The following HNRNPLL variants were observed in gnomAD, a reference collection of about 807,000 sequenced individuals.
HNRNPLL encodes heterogeneous nuclear ribonucleoprotein L-like.
A neutral mutation model predicts 67.1 loss-of-function variants in HNRNPLL; 25 were observed. That is an observed-to-expected ratio of 0.37 (90% CI 0.27 to 0.52). The LOEUF (loss-of-function observed/expected upper bound fraction) is 0.52, where lower values mean the gene tolerates loss of function less well. Among genes scored for constraint, HNRNPLL ranks in the 20% least tolerant of loss-of-function variants. The pLI is 0.90. For missense variants in HNRNPLL, 542 were observed against 673.9 expected, an observed-to-expected ratio of 0.80 and a Z score of 2.17; for synonymous variants, 267 against 241.7, an observed-to-expected ratio of 1.10 and a Z score of -0.97.
Position 38,602,758 on chromosome 2 carries a change from G to A in HNRNPLL, c.-132C>T, listed in dbSNP as rs1572474496. ...GGGTCTCCGCGGCCCGGCCGTCCGC[G>A]GGGACTGCGCGGCCAGGAGACTGGC... is the stretch of plus-strand genomic sequence containing the variant. On this transcript the variant is annotated 5_prime_UTR_variant, in exon 1 of 13. Transcript: ENST00000449105. 1 of 1,514,112 alleles carries A rather than the reference G, an allele frequency of 6.6e-7. No individual in the cohort carries two copies. The highest frequency in any genetic ancestry group is 8.8e-7 in the Non-Finnish European group (1 of 1,130,456). 93.8% of individuals were successfully genotyped at this position (1,514,112 alleles called of 1,614,324 possible).
At chr2:38,575,789 G>A (rs1193269050) in intron 7 of HNRNPLL, among the ~76,000 whole-genome samples, 3 of 151,726 alleles carry the variant, frequency 2.0e-5, no homozygotes, top group Non-Finnish European at 4.4e-5. Flanking sequence ...TTTGTGATTT[G>A]CAATATTTGT....
chr2:38,568,294 G>A lies in HNRNPLL; in HGVS notation c.1478C>T (p.Ser493Leu), dbSNP rs771506090. The A allele has an allele frequency of 6.2e-7, 1 of 1,612,214 alleles. No homozygotes were observed. The highest frequency in any genetic ancestry group is 1.7e-5 in the Admixed American group (1 of 59,962). The change falls in exon 12 of 13, where the codon TCA becomes TTA. Residue 493 changes from serine to leucine, a missense_variant. Ser to Leu is a moderately radical substitution (Grantham distance 145). Transcript: ENST00000449105. ...TAATAGCCCAGAAAGTGTTTTGGCT[G>A]AAGCTAAAACAAAAAAACACAAACT... ...IKYKVFDAKP[S>L]AKTLSGLLEW...
intron 3 of HNRNPLL, among the ~76,000 whole-genome samples, chr2:38,584,376 T>C (rs1666645858): frequency 6.6e-6 from 1 of 152,180 alleles, no homozygotes; most frequent in Non-Finnish European, 1.5e-5. Context: ...TATTATACTT[T>C]AATAAATCTT....
chr2:38,594,265 C>T (rs1223422645), intron 1 of HNRNPLL, among the ~76,000 whole-genome samples: 1 of 152,030 alleles, frequency 6.6e-6, no homozygotes, highest in Non-Finnish European at 1.5e-5. Flanking sequence ...CTATCAAACA[C>T]ATATTAGGGA....
At chr2:38,565,977 T>C (rs1327273326) in intron 12 of HNRNPLL, 4 of 922,710 alleles carry the variant, frequency 4.3e-6, no homozygotes, top group East Asian at 2.4e-4. Flanking sequence ...TGTTTTTTTT[T>C]CTCTTTTTTA....
Position 38,568,188 on chromosome 2 carries a change from A to T in HNRNPLL, c.1573+11T>A. ...TACATAATTACAACACAAATAAAGC[A>T]TTTTACTTACTCGGCACTCTTATCT... On this transcript the variant is annotated intron_variant, in intron 12 of 12. Transcript: ENST00000449105. 1 of 1,560,064 alleles carries T rather than the reference A, an allele frequency of 6.4e-7. No homozygotes were observed. The highest frequency in any genetic ancestry group is 8.8e-7 in the Non-Finnish European group (1 of 1,134,962).
intron 8 of HNRNPLL, 100 bp downstream of exon 8, chr2:38,573,110 T>G: frequency 1.3e-6 from 1 of 753,056 alleles, no homozygotes; most frequent in South Asian, 1.7e-5. Context: ...CTCAAAGAAT[T>G]TGGATATTCC....
At chr2:38,587,963 T>G (rs527575058) in intron 2 of HNRNPLL, among the ~76,000 whole-genome samples, 3 of 152,088 alleles carry the variant, frequency 2.0e-5, no homozygotes, top group South Asian at 2.1e-4. Context: ...GTGTGCGCGC[T>G]CTCTCTCCTC....
In HNRNPLL at chr2:38,573,239, G is replaced by A. The variant is rs1383110866; in HGVS notation, c.1063C>T (p.Leu355=). The change falls in exon 8 of 13, where the codon CTG becomes TTG. Residue 355 remains leucine (L), a synonymous_variant. Coordinates refer to ENST00000449105, the MANE Select transcript of HNRNPLL (RefSeq NM_138394.4). ...TCAATATTTCCATATAAGCAGAACA[G>A]GTTGAAGACTCTTGAACAATTCATT... is the stretch of plus-strand genomic sequence containing the variant. ...LKMNCSRVFN[L]FCLYGNIEKV... 2 of 1,604,976 alleles carry A rather than the reference G, an allele frequency of 1.2e-6. No individual in the cohort carries two copies. Among genetic ancestry groups the A allele is most frequent in the Admixed American group, 3.5e-5 (2 of 57,364 alleles).
rs866020503 is a variant in HNRNPLL at position 38,602,538 on chromosome 2, C to T, written c.89G>A (p.Gly30Glu). The T allele has an allele frequency of 1.0e-5, 16 of 1,559,722 alleles. No individual in the cohort carries two copies. Among genetic ancestry groups the T allele is most frequent in the East Asian group, 2.4e-5 (1 of 42,294 alleles). The change falls in exon 1 of 13, where the codon GGG becomes GAG. Residue 30 changes from glycine (G) to glutamate (E), a missense_variant. Physicochemically the swap from Gly to Glu is moderately conservative, Grantham distance 98. Around this residue, in one of 2 missense-constraint regions of HNRNPLL, gnomAD observed 127 missense variants for 98.7 expected, o/e 1.29. Transcript: ENST00000449105. The part of the protein sequence containing the change: ...SQAKRLKTEE[G>E]EIDYSAEEGE... ...TTCCTCGGCCGAGTAGTCGATCTCCCCCTCCTCGGTCTTGAGACGCTTGGC... is the reference window on the plus strand; with the variant it reads ...TTCCTCGGCCGAGTAGTCGATCTCCTCCTCCTCGGTCTTGAGACGCTTGGC...
At chr2:38,583,044 G>C (rs1479318505) in intron 4 of HNRNPLL, among the ~76,000 whole-genome samples, 1 of 151,984 alleles carries the variant, frequency 6.6e-6, no homozygotes, top group Non-Finnish European at 1.5e-5. Flanking sequence ...AAACAGAAAA[G>C]ATTTTACTCT....
At chr2:38,564,295 G>T (rs1041702782) in intron 12 of HNRNPLL, 58 bp from the exon 13 acceptor site, 2 of 900,910 alleles carry the variant, frequency 2.2e-6, no homozygotes, top group Admixed American at 1.8e-5. Flanking sequence ...AGATCACCTT[G>T]AAGTATCAGA....
intron 1 of HNRNPLL, chr2:38,601,847 G>T (rs1055710493): frequency 6.6e-6 from 1 of 152,190 alleles, no homozygotes; most frequent in Non-Finnish European, 1.5e-5. Context: ...CACAAAATTG[G>T]GTAGAGCAAA....
intron 1 of HNRNPLL, among the ~76,000 whole-genome samples, chr2:38,592,787 C>A (rs1667014816): frequency 1.3e-5 from 2 of 152,190 alleles, no homozygotes; most frequent in African/African-American, 4.8e-5. Flanking sequence ...TGACTTCCAC[C>A]GTGTACATCC....
At chr2:38,596,464 G>C (rs1667197276) in intron 1 of HNRNPLL, among the ~76,000 whole-genome samples, 1 of 151,986 alleles carries the variant, frequency 6.6e-6, no homozygotes, top group Non-Finnish European at 1.5e-5. Flanking sequence ...CACCATTTTT[G>C]CCAGGCTGGT....
intron 9 of HNRNPLL, 66 bp from the exon 10 acceptor site, chr2:38,569,400 G>C (rs1254948732): frequency 3.6e-6 from 4 of 1,124,350 alleles, no homozygotes; most frequent in South Asian, 2.6e-5. Flanking sequence ...AGTAGTCTCA[G>C]AATGCTAATA....
rs1399578447 is a variant in HNRNPLL, at chr2:38,599,284, A to G, written c.189+3154T>C. ...TTAATAATCTTTGATTTGCCTGTTT[A>G]TTCACTAGCAGAAAACAGAAAAACT... On this transcript the variant is annotated intron_variant, in intron 1 of 12. Transcript: ENST00000449105. Among the ~76,000 whole-genome samples, 3 of 152,210 alleles carry G rather than the reference A, an allele frequency of 2.0e-5. No individual in the cohort carries two copies. In the East Asian group the frequency reaches 5.8e-4, roughly 29 times the overall value.
chr2:38,575,156 TTTATAA>T (rs1041481013), intron 7 of HNRNPLL, among the ~76,000 whole-genome samples: 7 of 151,860 alleles, frequency 4.6e-5, no homozygotes, highest in Non-Finnish European at 7.4e-5. Flanking sequence ...ATAACTGATG[TTTATAA>T]TTATGACTTT....
intron 8 of HNRNPLL, among the ~76,000 whole-genome samples, chr2:38,572,912 G>A (rs1403087236): frequency 6.6e-6 from 1 of 152,010 alleles, no homozygotes; most frequent in Non-Finnish European, 1.5e-5. Flanking sequence ...ACTTTGAAAT[G>A]AGATCACCAA....
Sources: gnomAD v4.1 joint callset for allele counts (sites outside exome capture counted in the v4.1 genomes callset) on GRCh38, gnomAD v4.1.1 for gene constraint, gnomAD v4.1.1 regional missense constraint, MANE v1.5 for transcripts, NCBI Gene and HGNC (gene_info 2026-07-23, HGNC 2026-07-21) for gene names.